Variants in CHLSN observed in about 807,000 individuals in gnomAD.
CHLSN encodes the protein protein cholesin.
At chr7:1,000,636 A>G in the CHLSN span, 2 of 1,110,310 alleles carry the variant, frequency 1.8e-6, no homozygotes, top group East Asian at 2.6e-5. Context: ...GGGACGCCTC[A>G]TCTTAGGAGA....
At chr7:993,181 C>T in the CHLSN span, among the ~76,000 whole-genome samples, 2 of 152,034 alleles carry the variant, frequency 1.3e-5, no homozygotes, top group Non-Finnish European at 2.9e-5. Context: ...TCCCAGTGGG[C>T]GGGGGGTGGC....
At chr7:1,017,827 C>A in the CHLSN span, among the ~76,000 whole-genome samples, 1 of 152,238 alleles carries the variant, frequency 6.6e-6, no homozygotes, top group Non-Finnish European at 1.5e-5. Flanking sequence ...CAAGGCCAGG[C>A]GCTCTGGGGC....
At chr7:1,047,410 C>T in the CHLSN span, among the ~76,000 whole-genome samples, 1 of 152,262 alleles carries the variant, frequency 6.6e-6, no homozygotes, top group Non-Finnish European at 1.5e-5. Flanking sequence ...AAACCATCCA[C>T]CTATGTAATG....
At chr7:988,155 G>A in the CHLSN span, 1 of 1,209,198 alleles carries the variant, frequency 8.3e-7, no homozygotes, top group South Asian at 1.6e-5. Flanking sequence ...CACCTGCAAG[G>A]TGGGCTAACA....
At chr7:1,131,060 G>A in the CHLSN span, among the ~76,000 whole-genome samples, 1 of 151,960 alleles carries the variant, frequency 6.6e-6, no homozygotes, top group Non-Finnish European at 1.5e-5. Flanking sequence ...GCTTGGTGGT[G>A]CACACCTGTG....
the CHLSN span, among the ~76,000 whole-genome samples, chr7:1,041,806 C>T: frequency 0.49 from 74,732 of 151,596 alleles, 19,762 homozygotes; most frequent in African/African-American, 0.69. Flanking sequence ...TCCCCGCCCC[C>T]CCGAGAAAGC....
the CHLSN span, chr7:997,926 C>T: frequency 3.3e-6 from 3 of 902,366 alleles, no homozygotes; most frequent in Non-Finnish European, 5.1e-6. Flanking sequence ...CCACTGCGGC[C>T]CGAGGGTGTG....
the CHLSN span, chr7:1,000,677 C>T: frequency 2.4e-3 from 1,753 of 731,348 alleles, 49 homozygotes; most frequent in East Asian, 0.044. Flanking sequence ...CACACCAAGG[C>T]CTCATGTGAA....
chr7:1,127,709 CTGA>C, the CHLSN span, among the ~76,000 whole-genome samples: 71 of 40,072 alleles, frequency 1.8e-3, no homozygotes, highest in African/African-American at 5.0e-3. Context: ...ACAATCTCGG[CTGA>C]TCCCACCGTC....
the CHLSN span, chr7:1,045,454 C>G: frequency 6.6e-6 from 1 of 152,262 alleles, no homozygotes; most frequent in Non-Finnish European, 1.5e-5. Context: ...ACCTGCAGCA[C>G]CTAGCAGAGG....
the CHLSN span, among the ~76,000 whole-genome samples, chr7:1,126,790 C>T: frequency 3.9e-5 from 6 of 152,186 alleles, no homozygotes; most frequent in Non-Finnish European, 5.9e-5. Flanking sequence ...CGCTGCACAC[C>T]GTTTAGAAAG....
chr7:1,093,003 C>A, the CHLSN span: 1 of 770,024 alleles, frequency 1.3e-6, no homozygotes, highest in Non-Finnish European at 2.3e-6. Flanking sequence ...TCACGCTTGC[C>A]TGGTCACCCT....
At chr7:1,136,521 T>TATAAATATATATAAAC in the CHLSN span, among the ~76,000 whole-genome samples, 3 of 91,434 alleles carry the variant, frequency 3.3e-5, no homozygotes, top group Non-Finnish European at 7.2e-5. Flanking sequence ...CATATATAAA[T>TATAAATATATATAAAC]ATATATAAAC....
At chr7:1,011,247 C>T in the CHLSN span, among the ~76,000 whole-genome samples, 2 of 147,900 alleles carry the variant, frequency 1.4e-5, no homozygotes, top group East Asian at 4.0e-4. Flanking sequence ...CACATACCCA[C>T]CCACCCATAC....
the CHLSN span, among the ~76,000 whole-genome samples, chr7:1,049,567 G>T: frequency 1.3e-5 from 2 of 152,178 alleles, no homozygotes; most frequent in African/African-American, 4.8e-5. Flanking sequence ...TAGGAAGACG[G>T]AGGGCGAGGG....
At chr7:1,033,536 G>A in the CHLSN span, among the ~76,000 whole-genome samples, 1 of 151,280 alleles carries the variant, frequency 6.6e-6, no homozygotes, top group Non-Finnish European at 1.5e-5. Context: ...TCCAGCCTGG[G>A]CAATAAGTGC....
the CHLSN span, chr7:1,043,539 G>C: frequency 6.6e-6 from 1 of 152,272 alleles, no homozygotes; most frequent in Admixed American, 6.5e-5. Context: ...TGGCAAGTAA[G>C]ATCAGTACCC....
chr7:1,086,721 C>T, the CHLSN span: 820 of 153,670 alleles, frequency 5.3e-3, 8 homozygotes, highest in African/African-American at 0.019. Context: ...CACCCCAGTC[C>T]TCTGCCTGCA....
the CHLSN span, chr7:988,274 C>T: frequency 6.3e-7 from 1 of 1,576,508 alleles, no homozygotes; most frequent in Non-Finnish European, 8.6e-7. Flanking sequence ...GCTGCCCCCA[C>T]AGGGCACGCC....
Sources: gnomAD v4.1 joint callset for allele counts (sites outside exome capture counted in the v4.1 genomes callset) on GRCh38, gnomAD v4.1.1 for gene constraint, MANE v1.5 for transcripts, NCBI Gene and HGNC (gene_info 2026-07-23, HGNC 2026-07-21) for gene names.